SLC25A21: variants seen among roughly 807,000 people sequenced by gnomAD.
SLC25A21 encodes solute carrier family 25 member 21, also known as mitochondrial 2-oxodicarboxylate carrier.
SLC25A21 carries 47 observed loss-of-function variants against 43.8 expected under a neutral mutation model. The ratio of observed to expected loss-of-function variants is 1.07; its 90% confidence interval spans 0.85 to 1.37. The LOEUF (loss-of-function observed/expected upper bound fraction) is 1.37, where lower values mean the gene tolerates loss of function less well. Ranked by LOEUF, SLC25A21 falls within the 40% of genes most tolerant of loss-of-function variation. The probability of loss-of-function intolerance (pLI) is 0.00; values close to 1 mark genes in which losing one functional copy is unlikely to be tolerated. For synonymous variants in SLC25A21, 131 were observed against 121.3 expected, an observed-to-expected ratio of 1.08 and a Z score of -0.52; for missense variants, 352 against 350.2, an observed-to-expected ratio of 1.00 and a Z score of -0.04.
chr14:36,957,678 T>C (rs1294959800), intron 1 of SLC25A21, among the ~76,000 whole-genome samples: 1 of 152,206 alleles, frequency 6.6e-6, no homozygotes, highest in Non-Finnish European at 1.5e-5. Context: ...CTGATGAGGA[T>C]TTCAAATGCA....
intron 3 of SLC25A21, among the ~76,000 whole-genome samples, chr14:36,747,597 C>T (rs901818511): frequency 2.6e-5 from 4 of 152,058 alleles, no homozygotes; most frequent in South Asian, 2.1e-4. Context: ...GAATTCACAC[C>T]CTGTTGTGGA....
intron 1 of SLC25A21, among the ~76,000 whole-genome samples, chr14:36,944,244 C>A (rs1892631956): frequency 6.6e-6 from 1 of 152,094 alleles, no homozygotes; most frequent in Non-Finnish European, 1.5e-5. Context: ...AAGGACAAAC[C>A]CATAGCCTGC....
At chr14:36,986,189 T>C (rs554875079) in intron 1 of SLC25A21, among the ~76,000 whole-genome samples, 1 of 152,298 alleles carries the variant, frequency 6.6e-6, no homozygotes, top group South Asian at 2.1e-4. Context: ...CACATATCTA[T>C]AGACATATTT....
chr14:36,705,251 T>C (rs1479480383), intron 7 of SLC25A21, among the ~76,000 whole-genome samples: 1 of 151,954 alleles, frequency 6.6e-6, no homozygotes, highest in African/African-American at 2.4e-5. Flanking sequence ...TTCACTGTGT[T>C]AGTCAGGATG....
intron 3 of SLC25A21, among the ~76,000 whole-genome samples, chr14:36,802,328 GC>G (rs1887895648): frequency 6.6e-6 from 1 of 152,026 alleles, no homozygotes; most frequent in African/African-American, 2.4e-5. Flanking sequence ...CACTATAGGA[GC>G]CCCAAATATT....
At chr14:37,102,362 G>C (rs2138865863) in intron 1 of SLC25A21, among the ~76,000 whole-genome samples, 1 of 151,790 alleles carries the variant, frequency 6.6e-6, no homozygotes, top group East Asian at 2.0e-4. Context: ...AGAATCGCTT[G>C]AACCAGGGAG....
intron 2 of SLC25A21, among the ~76,000 whole-genome samples, chr14:36,819,919 T>C (rs1175643909): frequency 1.3e-5 from 2 of 152,180 alleles, no homozygotes; most frequent in Admixed American, 1.3e-4. Flanking sequence ...ATTCCTATCT[T>C]TATATGAATA....
intron 1 of SLC25A21, among the ~76,000 whole-genome samples, chr14:37,144,681 T>C (rs1288911092): frequency 6.6e-6 from 1 of 152,334 alleles, no homozygotes; most frequent in African/African-American, 2.4e-5. Context: ...GTTTCTAGAA[T>C]GTAAACAGAA....
intron 1 of SLC25A21, among the ~76,000 whole-genome samples, chr14:37,146,536 C>G (rs758744489): frequency 1.2e-4 from 19 of 152,204 alleles, no homozygotes; most frequent in African/African-American, 3.4e-4. Flanking sequence ...CCTGAGCCAC[C>G]ACACTCAGCC....
chr14:36,985,889 A>G (rs528485489), intron 1 of SLC25A21, among the ~76,000 whole-genome samples: 1 of 152,236 alleles, frequency 6.6e-6, no homozygotes, highest in African/African-American at 2.4e-5. Flanking sequence ...TTAATGCTCA[A>G]ATTGTCCCAG....
intron 1 of SLC25A21, among the ~76,000 whole-genome samples, chr14:36,901,677 A>G (rs1395021874): frequency 6.6e-6 from 1 of 152,180 alleles, no homozygotes; most frequent in African/African-American, 2.4e-5. Context: ...CTAACAAATA[A>G]CAGGGCATTT....
Position 36,734,573 on chromosome 14 carries a change from C to T in SLC25A21, c.204G>A (p.Gly68=), listed in dbSNP as rs935495681. 3.1e-6 allele frequency: 5 copies of T among 1,600,214 alleles called. No individual in the cohort carries two copies. Among genetic ancestry groups the T allele is most frequent in the Non-Finnish European group, 4.3e-6 (5 of 1,172,312 alleles). The change falls in exon 4 of 10, where the codon GGG becomes GGA. Residue 68 remains glycine (G), a splice_region_variant and synonymous_variant. Coordinates refer to ENST00000331299, the MANE Select transcript of SLC25A21 (RefSeq NM_030631.4). ...DSFRMIFQME[G]LFGFYKGILP... ...GAATTCCCTTGTAAAAACCAAATAA[C>T]CTGTTGGAGAAATAAAAGATTTCCT...
intron 1 of SLC25A21, among the ~76,000 whole-genome samples, chr14:36,958,748 C>T (rs1305921922): frequency 1.3e-5 from 2 of 151,936 alleles, no homozygotes; most frequent in Non-Finnish European, 1.5e-5. Flanking sequence ...GAGGGGGACA[C>T]AGAGCAAGGC....
intron 3 of SLC25A21, among the ~76,000 whole-genome samples, chr14:36,740,209 G>A (rs1885197280): frequency 6.6e-6 from 1 of 152,212 alleles, no homozygotes; most frequent in South Asian, 2.1e-4. Context: ...AGGAAGCTGT[G>A]AGAACTATTG....
intron 1 of SLC25A21, among the ~76,000 whole-genome samples, chr14:36,907,289 T>C (rs1466922584): frequency 6.6e-6 from 1 of 152,178 alleles, no homozygotes; most frequent in Non-Finnish European, 1.5e-5. Flanking sequence ...TCAAATCAAC[T>C]GCAAAAATCT....
At position 37,172,157 on chromosome 14, in the gene SLC25A21, G is replaced by C. The variant is rs909974136; in HGVS notation, c.70+124C>G. ...CCTCTAGGGGCTCAAGCACTGCTCC[G>C]GGAGCGCTGAATTTTGAGGAAGAGG... On this transcript the variant is annotated intron_variant, in intron 1 of 9. Transcript: ENST00000331299. 27 of 1,029,448 alleles carry C rather than the reference G, an allele frequency of 2.6e-5. No homozygotes were observed. The South Asian group carries it at 4.1e-4, about 16-fold the overall frequency. 63.8% of individuals were successfully genotyped at this position (1,029,448 alleles called of 1,614,324 possible).
At chr14:36,793,130 G>A (rs576562165) in intron 3 of SLC25A21, among the ~76,000 whole-genome samples, 8 of 152,114 alleles carry the variant, frequency 5.3e-5, no homozygotes, top group African/African-American at 1.4e-4. Flanking sequence ...TGTTTAGTAC[G>A]AACAAAGCTA....
chr14:36,978,648 C>T (rs1959938024), intron 1 of SLC25A21, among the ~76,000 whole-genome samples: 1 of 152,166 alleles, frequency 6.6e-6, no homozygotes, highest in Admixed American at 6.5e-5. Context: ...TAAAACTTTA[C>T]AATAATTAAA....
At chr14:36,986,097 G>T (rs1960139162) in intron 1 of SLC25A21, among the ~76,000 whole-genome samples, 1 of 152,092 alleles carries the variant, frequency 6.6e-6, no homozygotes, top group Non-Finnish European at 1.5e-5. Context: ...CAAGATTTAG[G>T]TATTAGGGAG....
Sources: allele counts gnomAD v4.1 joint callset (sites outside exome capture counted in the v4.1 genomes callset), GRCh38; gene constraint gnomAD v4.1.1; transcripts MANE v1.5; gene names NCBI Gene and HGNC (gene_info 2026-07-23, HGNC 2026-07-21).